Variants in STX5 observed in about 807,000 individuals in gnomAD.
The protein encoded by STX5 is syntaxin-5.
In STX5, 15 loss-of-function variants were observed where a neutral mutation model predicts 42.9. The observed-to-expected ratio is 0.35, with a 90% CI of 0.23 to 0.54. STX5 has a LOEUF of 0.54. STX5 is among the 20% of genes least tolerant of loss of function. The pLI is 0.91. For synonymous variants in STX5, 184 were observed against 173.2 expected, an observed-to-expected ratio of 1.06 and a Z score of -0.49; for missense variants, 430 against 455.0, an observed-to-expected ratio of 0.95 and a Z score of 0.50.
intron 10 of STX5, among the ~76,000 whole-genome samples, chr11:62,814,361 A>T (rs532924885): frequency 3.7e-4 from 56 of 152,172 alleles, no homozygotes; most frequent in African/African-American, 1.2e-3. Context: ...GGGTTTCACC[A>T]TGTTGATCAG....
chr11:62,822,790 G>C (rs2084754318), intron 10 of STX5, among the ~76,000 whole-genome samples: 1 of 142,308 alleles, frequency 7.0e-6, no homozygotes, highest in African/African-American at 2.6e-5. Flanking sequence ...CAAGGATTTT[G>C]TCTCTTTTGT....
At position 62,831,000 on chromosome 11, in the gene STX5, T is replaced by C; in HGVS notation, c.225+19A>G. The stretch of plus-strand genomic sequence containing the variant: ...TTGAGTAAGGCTCACTCCTCGCCTT[T>C]TCCACTCCAGGTCCTTACCTGACGG... On this transcript the variant is annotated intron_variant, in intron 2 of 10. Coordinates refer to ENST00000294179, the MANE Select transcript of STX5 (RefSeq NM_003164.5). The C allele has an allele frequency of 6.5e-7, 1 of 1,546,476 alleles. No homozygotes were observed. The highest frequency in any genetic ancestry group is 8.7e-7 in the Non-Finnish European group (1 of 1,144,018).
chr11:62,827,589 G>T lies in STX5; in HGVS notation c.268C>A (p.Gln90Lys). 1 of 1,614,224 alleles carries T rather than the reference G, an allele frequency of 6.2e-7. No homozygotes were observed. Among genetic ancestry groups the T allele is most frequent in the Non-Finnish European group, 8.5e-7 (1 of 1,180,048 alleles). The change falls in exon 3 of 11, where the codon CAA (glutamine) becomes AAA (lysine). Residue 90 changes from glutamine (Q) to lysine (K), a missense_variant. Coordinates refer to ENST00000294179, the MANE Select transcript of STX5 (RefSeq NM_003164.5). ...GCCATGAGGGTGAATTCACTGCGTT[G>T]TCGGACAGCACGCAAAGCTGGCTTA... Reference protein sequence around the residue: ...TNKPALRAVRQRSEFTLMAKR... With the variant: ...TNKPALRAVRKRSEFTLMAKR...
rs150908864 is a variant in STX5 at position 62,819,357 on chromosome 11, C to CAA, written c.908+4807_908+4808dup. On this transcript the variant is annotated intron_variant, in intron 10 of 10. Transcript: ENST00000294179. ...AATTGTTGTCAGCAGATCTCCACTACAAAAAAAAAACCAAAGGAAGTGCTT... is the reference window on the plus strand; with the variant it reads ...AATTGTTGTCAGCAGATCTCCACTACAAAAAAAAAAAACCAAAGGAAGTGCTT... Among the ~76,000 whole-genome samples, 499 of 129,630 alleles carry CAA rather than the reference C, an allele frequency of 3.8e-3. 3 individuals are homozygous for CAA. The highest frequency in any genetic ancestry group is 0.012 in the African/African-American group (432 of 35,174). 85.0% of individuals were successfully genotyped at this position (129,630 alleles called of 152,430 possible).
At chr11:62,818,922 T>C (rs1029482056) in intron 10 of STX5, among the ~76,000 whole-genome samples, 2 of 151,438 alleles carry the variant, frequency 1.3e-5, no homozygotes, top group African/African-American at 4.8e-5. Flanking sequence ...AAAACATCCT[T>C]CAAAAATGAA....
chr11:62,815,070 C>G (rs995616039), intron 10 of STX5, among the ~76,000 whole-genome samples: 1 of 150,916 alleles, frequency 6.6e-6, no homozygotes, highest in Non-Finnish European at 1.5e-5. Flanking sequence ...TGCAGTGGTA[C>G]GATCTCGGCT....
rs750248154 is a variant in STX5 at position 62,827,606 on chromosome 11, G to A, written c.251C>T (p.Ala84Val). The A allele has an allele frequency of 2.5e-6, 4 of 1,614,098 alleles. No individual in the cohort carries two copies. Among genetic ancestry groups the A allele is most frequent in the Non-Finnish European group, 3.4e-6 (4 of 1,180,054 alleles). Residue 84 changes from alanine (A) to valine (V), a missense_variant, in exon 3 of 11, where the codon GCT becomes GTT. Coordinates refer to ENST00000294179, the MANE Select transcript of STX5 (RefSeq NM_003164.5). ...ACTGCGTTGTCGGACAGCACGCAAA[G>A]CTGGCTTATTTGTCTGGATTCCATT... ...RQNGIQTNKP[A>V]LRAVRQRSEF...
Position 62,812,895 on chromosome 11 carries a change from G to A in STX5, c.909-5267C>T, listed in dbSNP as rs528300762. On this transcript the variant is annotated intron_variant, in intron 10 of 10. Transcript: ENST00000294179. Reference sequence around the variant, plus strand: ...TGGGAGGCCGAGGTGGGCGGATCACGAGGTCTAGGAGTTCAAGACCAGCCT... The same window carrying A: ...TGGGAGGCCGAGGTGGGCGGATCACAAGGTCTAGGAGTTCAAGACCAGCCT... 7.9e-5 allele frequency among the ~76,000 whole-genome samples: 12 copies of A among 151,250 alleles called. No homozygotes were observed. The South Asian group carries it at 2.3e-3, about 29-fold the overall frequency.
At chr11:62,809,673 CAAAAAAAAAAAAAAA>C (rs749188946) in intron 10 of STX5, among the ~76,000 whole-genome samples, 15 of 19,188 alleles carry the variant, frequency 7.8e-4, no homozygotes, top group South Asian at 4.8e-3. Flanking sequence ...GACTCTGTCT[CAAAAAAAAAAAAAAA>C]AAAAAAAAAA....
chr11:62,820,703 G>A (rs2084731594), intron 10 of STX5, among the ~76,000 whole-genome samples: 1 of 151,234 alleles, frequency 6.6e-6, no homozygotes, highest in African/African-American at 2.4e-5. Context: ...GTAGAGACGG[G>A]GTTTCACCAT....
At chr11:62,817,467 G>A (rs558557646) in intron 10 of STX5, among the ~76,000 whole-genome samples, 45 of 152,012 alleles carry the variant, frequency 3.0e-4, no homozygotes, top group African/African-American at 8.0e-4. Context: ...AACTGCCTGC[G>A]AAAACAAAAA....
Position 62,823,164 on chromosome 11 carries a change from C to T in STX5, c.908+1002G>A, listed in dbSNP as rs765757883. Among the ~76,000 whole-genome samples, 3 of 151,320 alleles carry T rather than the reference C, an allele frequency of 2.0e-5. 1 individual carries two copies. The East Asian group carries it at 5.8e-4, about 29-fold the overall frequency. ...ATTCCCTACCACACAATCTGATATA[C>T]CTACTTAGTCACTTTCTTTTTTTTT... On this transcript the variant is annotated intron_variant, in intron 10 of 10. Transcript: ENST00000294179.
chr11:62,811,029 C>G (rs1017811867), intron 10 of STX5, among the ~76,000 whole-genome samples: 1 of 152,210 alleles, frequency 6.6e-6, no homozygotes, highest in African/African-American at 2.4e-5. Context: ...TAAAATTCTT[C>G]TATCCCAAGT....
At chr11:62,823,606 C>A (rs2084762976) in intron 10 of STX5, among the ~76,000 whole-genome samples, 1 of 151,704 alleles carries the variant, frequency 6.6e-6, no homozygotes, top group Non-Finnish European at 1.5e-5. Context: ...AGTGCAGTGG[C>A]ACGATCTTGG....
chr11:62,807,897 A>G (rs920453784), intron 10 of STX5: 17 of 472,014 alleles, frequency 3.6e-5, no homozygotes, highest in African/African-American at 3.1e-4. Flanking sequence ...CCCAAACCCT[A>G]CCTTCTCTCA....
intron 10 of STX5, chr11:62,815,874 C>T (rs1033869664): frequency 6.6e-6 from 1 of 151,856 alleles, no homozygotes; most frequent in African/African-American, 2.4e-5. Flanking sequence ...AAATTTTATT[C>T]TAGTTTCAGG....
intron 5 of STX5, 92 bp from the exon 6 acceptor site, chr11:62,825,631 G>A (rs999502569): frequency 2.6e-6 from 3 of 1,158,946 alleles, no homozygotes; most frequent in African/African-American, 3.0e-5. Context: ...GGAAGGACAA[G>A]GTGGAAGTTA....
At chr11:62,815,231 C>T (rs988692033) in intron 10 of STX5, among the ~76,000 whole-genome samples, 6 of 152,154 alleles carry the variant, frequency 3.9e-5, no homozygotes, top group African/African-American at 1.4e-4. Context: ...TGGTCTTGAT[C>T]TCTTGAGCTT....
At chr11:62,825,005 C>T in intron 8 of STX5, 31 bp downstream of exon 8, 1 of 1,611,066 alleles carries the variant, frequency 6.2e-7, no homozygotes, top group Non-Finnish European at 8.5e-7. Context: ...AACCTTACCT[C>T]CCAGGGCTCC....
Sources: allele counts gnomAD v4.1 joint callset (sites outside exome capture counted in the v4.1 genomes callset), GRCh38; gene constraint gnomAD v4.1.1; transcripts MANE v1.5; gene names NCBI Gene and HGNC (gene_info 2026-07-23, HGNC 2026-07-21).